KLF12: variants seen among roughly 807,000 people sequenced by gnomAD.
The protein encoded by KLF12 is Krueppel-like factor 12.
A neutral mutation model predicts 37.8 loss-of-function variants in KLF12; 9 were observed. The ratio of observed to expected loss-of-function variants is 0.24; its 90% CI spans 0.14 to 0.42. The LOEUF is 0.42. KLF12 is among the 10% of genes least tolerant of loss of function. The pLI, the probability that KLF12 is intolerant of heterozygous loss-of-function variation, is 1.00. For synonymous variants in KLF12, 208 were observed against 202.1 expected (o/e 1.03, Z -0.25); for missense variants, 411 against 516.0 (o/e 0.80, Z 1.97).
At chr13:74,246,073 G>A in the KLF12 span, among the ~76,000 whole-genome samples, 3 of 152,112 alleles carry the variant, frequency 2.0e-5, no homozygotes, top group Non-Finnish European at 4.4e-5. Flanking sequence ...GCTTTGACAC[G>A]ACACCCAAGT....
chr13:74,134,822 T>G (rs1266649070), upstream of KLF12, among the ~76,000 whole-genome samples: 1 of 151,512 alleles, frequency 6.6e-6, no homozygotes, highest in Admixed American at 6.6e-5. Flanking sequence ...GCAGCCCGCT[T>G]GGGCCCCCAC....
chr13:73,968,009 T>C lies in KLF12; in HGVS notation c.34-23939A>G, dbSNP rs576310233. Among the ~76,000 whole-genome samples, 9 of 152,324 alleles carry C rather than the reference T, an allele frequency of 5.9e-5. No individual in the cohort carries two copies. The South Asian group carries it at 1.0e-3, about 18-fold the overall frequency. On this transcript the variant is annotated intron_variant, in intron 2 of 7. Coordinates refer to ENST00000377669, the MANE Select transcript of KLF12 (RefSeq NM_007249.5). ...TCTCAATATGGTCATGTTCTTTTTA[T>C]AGATGCTCCTTCTGCCCTATGGTGA...
chr13:73,983,176 A>G (rs1469410176), intron 2 of KLF12, among the ~76,000 whole-genome samples: 1 of 152,140 alleles, frequency 6.6e-6, no homozygotes, highest in Non-Finnish European at 1.5e-5. Context: ...TGGAAGTTCA[A>G]GTGTACAGGG....
intron 1 of KLF12, among the ~76,000 whole-genome samples, chr13:74,133,554 C>G (rs1158256384): frequency 6.6e-6 from 1 of 152,044 alleles, no homozygotes; most frequent in Non-Finnish European, 1.5e-5. Flanking sequence ...CTTCCCCGGC[C>G]CCCTCCCGCT....
chr13:73,922,538 G>C (rs1889165823), intron 3 of KLF12, among the ~76,000 whole-genome samples: 1 of 152,118 alleles, frequency 6.6e-6, no homozygotes, highest in East Asian at 1.9e-4. Context: ...TGTTTTGTTG[G>C]GGGTGGGGAG....
intron 1 of KLF12, among the ~76,000 whole-genome samples, chr13:74,112,573 T>G (rs1430870728): frequency 6.6e-6 from 1 of 152,178 alleles, no homozygotes; most frequent in Non-Finnish European, 1.5e-5. Context: ...ATTGGTGACC[T>G]GTGATCTTTG....
At chr13:74,256,869 C>T in the KLF12 span, 3 of 152,150 alleles carry the variant, frequency 2.0e-5, no homozygotes, top group African/African-American at 7.2e-5. Flanking sequence ...GTGTCACTGT[C>T]CCTGAAGACA....
the KLF12 span, among the ~76,000 whole-genome samples, chr13:74,181,716 A>C: frequency 9.7e-5 from 14 of 144,824 alleles, no homozygotes; most frequent in South Asian, 1.7e-3. Context: ...AAAAAACAAA[A>C]AAAAAAAAAA....
chr13:73,886,011 A>G (rs1887207149), intron 3 of KLF12, among the ~76,000 whole-genome samples: 1 of 152,176 alleles, frequency 6.6e-6, no homozygotes, highest in Non-Finnish European at 1.5e-5. Flanking sequence ...TTTCAGGTAC[A>G]TTAAGGGATA....
In KLF12 at chr13:73,805,805, GT is replaced by G. The variant is rs111490011; in HGVS notation, c.806+7346del. Among the ~76,000 whole-genome samples, 1,383 of 152,084 alleles carry G rather than the reference GT, an allele frequency of 9.1e-3. 28 individuals are homozygous for G. The highest frequency in any genetic ancestry group is 0.032 in the African/African-American group (1,309 of 41,484). On this transcript the variant is annotated intron_variant, in intron 5 of 7. Transcript: ENST00000377669. ...TAATTTAATATAGCTGAGGCATAAAGTTTTTTTTCTTCTTTTTGAGATGGAG... is the reference window on the plus strand; with the variant it reads ...TAATTTAATATAGCTGAGGCATAAAGTTTTTTTCTTCTTTTTGAGATGGAG...
chr13:73,883,761 T>C (rs1287580442), intron 3 of KLF12, among the ~76,000 whole-genome samples: 1 of 152,184 alleles, frequency 6.6e-6, no homozygotes, highest in East Asian at 1.9e-4. Context: ...GTAGGGCATT[T>C]GCCTCTAGTA....
At chr13:73,919,313 C>T (rs576953863) in intron 3 of KLF12, among the ~76,000 whole-genome samples, 1 of 152,232 alleles carries the variant, frequency 6.6e-6, no homozygotes, top group South Asian at 2.1e-4. Flanking sequence ...TTTGCTAACC[C>T]CATGACAGAG....
the KLF12 span, among the ~76,000 whole-genome samples, chr13:74,204,492 T>C: frequency 1.3e-5 from 2 of 152,164 alleles, no homozygotes; most frequent in Admixed American, 6.6e-5. Flanking sequence ...GGTTCCCTTA[T>C]AAAATTATTC....
chr13:73,968,607 T>C (rs1047958633), intron 2 of KLF12, among the ~76,000 whole-genome samples: 10 of 152,226 alleles, frequency 6.6e-5, no homozygotes, highest in Non-Finnish European at 1.0e-4. Context: ...ACTTATTCAA[T>C]GGTTTCAATG....
chr13:74,178,672 T>A, the KLF12 span, among the ~76,000 whole-genome samples: 4 of 152,210 alleles, frequency 2.6e-5, no homozygotes, highest in Non-Finnish European at 4.4e-5. Context: ...TTCTTTTCAT[T>A]TATGAATAGG....
chr13:73,748,896 T>C (rs1878549865), intron 6 of KLF12, among the ~76,000 whole-genome samples: 2 of 152,184 alleles, frequency 1.3e-5, no homozygotes, highest in Admixed American at 6.5e-5. Flanking sequence ...CTCCTGTTCT[T>C]TATATTTATT....
chr13:73,966,612 G>C (rs980186830), intron 2 of KLF12, among the ~76,000 whole-genome samples: 5 of 152,140 alleles, frequency 3.3e-5, no homozygotes. Flanking sequence ...TGTGCAAAAA[G>C]ACTCAGCCAA....
chr13:74,283,600 T>C, the KLF12 span, among the ~76,000 whole-genome samples: 1 of 152,222 alleles, frequency 6.6e-6, no homozygotes, highest in South Asian at 2.1e-4. Context: ...AAGCATTAGA[T>C]TGGAAGTCAG....
chr13:74,273,379 G>T, the KLF12 span, among the ~76,000 whole-genome samples: 1 of 150,732 alleles, frequency 6.6e-6, no homozygotes, highest in African/African-American at 2.4e-5. Context: ...AAGTGTATCT[G>T]TGCTGCCTTG....
Sources: gnomAD v4.1 joint callset for allele counts (sites outside exome capture counted in the v4.1 genomes callset) on GRCh38, gnomAD v4.1.1 for gene constraint, MANE v1.5 for transcripts, NCBI Gene and HGNC (gene_info 2026-07-23, HGNC 2026-07-21) for gene names.